The following MLLT3 variants were observed in gnomAD, a reference collection of about 807,000 sequenced individuals.
MLLT3 encodes protein AF-9.
Under a neutral mutation model 53.2 loss-of-function variants are expected in MLLT3, and 4 were observed. That is an observed-to-expected ratio of 0.08 (90% CI 0.04 to 0.17). MLLT3 has a LOEUF of 0.17. Among genes scored for constraint, MLLT3 ranks in the 10% least tolerant of loss-of-function variants. MLLT3 has a pLI of 1.00. For synonymous variants in MLLT3, 283 were observed against 230.6 expected (o/e 1.23, Z -2.06); for missense variants, 569 against 684.0 (o/e 0.83, Z 1.87).
At chr9:20,544,492 A>G (rs1301965042) in intron 2 of MLLT3, among the ~76,000 whole-genome samples, 1 of 152,252 alleles carries the variant, frequency 6.6e-6, no homozygotes, top group Non-Finnish European at 1.5e-5. Context: ...AAGATGTTCA[A>G]CATCACTAAT....
In MLLT3 at chr9:20,618,068, T is replaced by C. The variant is rs150881642; in HGVS notation, c.193+2586A>G. Reference sequence around the variant, plus strand: ...AGGCTCATCTCTGTTTAGCAGCTACTGTATACAGTGAAAGTGATTTAGATT... The same window carrying C: ...AGGCTCATCTCTGTTTAGCAGCTACCGTATACAGTGAAAGTGATTTAGATT... On this transcript the variant is annotated intron_variant, in intron 2 of 10. Transcript: ENST00000380338. 5.3e-5 allele frequency among the ~76,000 whole-genome samples: 8 copies of C among 152,334 alleles called. No homozygotes were observed. The East Asian group carries it at 1.5e-3, about 29-fold the overall frequency.
chr9:20,366,745 G>A (rs567520750), intron 5 of MLLT3, among the ~76,000 whole-genome samples: 1 of 152,288 alleles, frequency 6.6e-6, no homozygotes, highest in South Asian at 2.1e-4. Context: ...TCTAACTGGT[G>A]TGAGAGGATA....
At chr9:20,547,280 T>C (rs1395482612) in intron 2 of MLLT3, among the ~76,000 whole-genome samples, 1 of 151,944 alleles carries the variant, frequency 6.6e-6, no homozygotes, top group African/African-American at 2.4e-5. Context: ...GTGATCTACC[T>C]GCCTCAACCT....
intron 5 of MLLT3, among the ~76,000 whole-genome samples, chr9:20,371,752 TCTGTAG>T (rs1821608262): frequency 6.6e-6 from 1 of 152,246 alleles, no homozygotes; most frequent in African/African-American, 2.4e-5. Context: ...ATACATCTAT[TCTGTAG>T]CTCATGAATC....
At chr9:20,421,225 C>T (rs752585334) in intron 4 of MLLT3, among the ~76,000 whole-genome samples, 5 of 152,046 alleles carry the variant, frequency 3.3e-5, no homozygotes, top group Non-Finnish European at 7.4e-5. Context: ...GATTGCGCCA[C>T]TGCACTCCAG....
chr9:20,609,686 T>C (rs968290158), intron 2 of MLLT3, among the ~76,000 whole-genome samples: 1 of 152,118 alleles, frequency 6.6e-6, no homozygotes, highest in Admixed American at 6.6e-5. Context: ...TAGTTGATGG[T>C]TGAGGTGAAT....
chr9:20,576,680 C>T (rs1021149273), intron 2 of MLLT3, among the ~76,000 whole-genome samples: 4 of 152,156 alleles, frequency 2.6e-5, no homozygotes, highest in Middle Eastern at 3.4e-3. Context: ...GTAACATCAA[C>T]GATCACTGAT....
chr9:20,593,761 G>A lies in MLLT3; in HGVS notation c.193+26893C>T, dbSNP rs377317174. 7.6e-4 allele frequency among the ~76,000 whole-genome samples: 115 copies of A among 152,262 alleles called. 3 individuals carry two copies. In the South Asian group the frequency reaches 0.022, roughly 29 times the overall value. Reference sequence around the variant, plus strand: ...GAGGCAGTATTTTAATTCTGGGCACGTACTGGAATCAGCCAGCAACTTCAG... The same window carrying A: ...GAGGCAGTATTTTAATTCTGGGCACATACTGGAATCAGCCAGCAACTTCAG... On this transcript the variant is annotated intron_variant, in intron 2 of 10. Coordinates refer to ENST00000380338, the MANE Select transcript of MLLT3 (RefSeq NM_004529.4).
chr9:20,544,787 G>A (rs955856107), intron 2 of MLLT3, among the ~76,000 whole-genome samples: 2 of 152,088 alleles, frequency 1.3e-5, no homozygotes, highest in African/African-American at 2.4e-5. Context: ...GTACCCCCAC[G>A]TTCAATGAAG....
At chr9:20,578,165 T>C (rs1819702336) in intron 2 of MLLT3, among the ~76,000 whole-genome samples, 1 of 152,192 alleles carries the variant, frequency 6.6e-6, no homozygotes, top group Non-Finnish European at 1.5e-5. Flanking sequence ...GGAGGATCTG[T>C]ACTACAGTCA....
chr9:20,425,724 A>G (rs553344590), intron 4 of MLLT3, among the ~76,000 whole-genome samples: 23 of 149,720 alleles, frequency 1.5e-4, no homozygotes, highest in African/African-American at 4.8e-4. Context: ...TACATCATTA[A>G]TAAGATGAAA....
At chr9:20,505,877 C>G (rs1446787672) in intron 2 of MLLT3, among the ~76,000 whole-genome samples, 1 of 152,172 alleles carries the variant, frequency 6.6e-6, no homozygotes, top group African/African-American at 2.4e-5. Context: ...TTAGATACCC[C>G]CTCAGTGTGA....
intron 2 of MLLT3, among the ~76,000 whole-genome samples, chr9:20,551,265 G>T (rs1214028685): frequency 6.6e-6 from 1 of 152,154 alleles, no homozygotes; most frequent in Non-Finnish European, 1.5e-5. Flanking sequence ...AATTTCTCAA[G>T]TACTCCTATA....
chr9:20,465,783 T>C (rs1824224374), intron 2 of MLLT3, among the ~76,000 whole-genome samples: 1 of 152,150 alleles, frequency 6.6e-6, no homozygotes, highest in Non-Finnish European at 1.5e-5. Context: ...TTTGGCATAG[T>C]GGTAGCCTAT....
rs559254955 is a variant in MLLT3, at chr9:20,583,224, T to C, written c.193+37430A>G. ...ATCTCCTTTGACTCCAGGTCTCACATAGAGATCGTGCTGATACCAAGAGGT... is the reference window on the plus strand; with the variant it reads ...ATCTCCTTTGACTCCAGGTCTCACACAGAGATCGTGCTGATACCAAGAGGT... On this transcript the variant is annotated intron_variant, in intron 2 of 10. Transcript: ENST00000380338. Among the ~76,000 whole-genome samples the C allele has an allele frequency of 3.3e-5, 5 of 152,294 alleles. 1 individual carries two copies. The highest frequency in any genetic ancestry group is 2.1e-4 in the South Asian group (1 of 4,828).
intron 8 of MLLT3, among the ~76,000 whole-genome samples, chr9:20,355,793 G>T (rs1821158121): frequency 6.6e-6 from 1 of 152,186 alleles, no homozygotes; most frequent in Non-Finnish European, 1.5e-5. Flanking sequence ...TAATATTAAA[G>T]GAGGAAAATG....
In MLLT3 at chr9:20,344,487, C is replaced by G. The variant is rs1447400152; in HGVS notation, c.*1956G>C. 9.1e-6 allele frequency: 2 copies of G among 219,888 alleles called. No individual in the cohort carries two copies. The highest frequency in any genetic ancestry group is 4.5e-5 in the African/African-American group (2 of 44,614). 13.6% of individuals were successfully genotyped at this position (219,888 alleles called of 1,614,324 possible). ...AACTGAAACCACACAATTCATCAAT[C>G]ACCTAATGTCCAAAATGACTCAAAG... On this transcript the variant is annotated 3_prime_UTR_variant, in exon 11 of 11. Transcript: ENST00000380338.
intron 2 of MLLT3, among the ~76,000 whole-genome samples, chr9:20,587,513 C>T (rs900701309): frequency 6.9e-6 from 1 of 145,504 alleles, no homozygotes; most frequent in African/African-American, 2.5e-5. Flanking sequence ...CACAATAATG[C>T]CTAAATTCTA....
chr9:20,359,492 T>C (rs1014497986), intron 8 of MLLT3, among the ~76,000 whole-genome samples: 1 of 152,226 alleles, frequency 6.6e-6, no homozygotes, highest in Non-Finnish European at 1.5e-5. Flanking sequence ...TTGATTTTAA[T>C]GTAGGACACA....
Sources: gnomAD v4.1 joint callset for allele counts (sites outside exome capture counted in the v4.1 genomes callset) on GRCh38, gnomAD v4.1.1 for gene constraint, MANE v1.5 for transcripts, NCBI Gene and HGNC (gene_info 2026-07-23, HGNC 2026-07-21) for gene names.